Variants in PCDH7 observed in about 807,000 individuals in gnomAD.
PCDH7 encodes the protein protocadherin-7.
Under a neutral mutation model 58.9 loss-of-function variants are expected in PCDH7, and 17 were observed. The observed-to-expected ratio is 0.29, with a 90% CI of 0.20 to 0.43. The LOEUF (loss-of-function observed/expected upper bound fraction) is 0.43. Ranked by LOEUF, PCDH7 falls within the 20% of genes least tolerant of loss-of-function variation. The probability of loss-of-function intolerance (pLI) is 1.00; values close to 1 mark genes in which losing one functional copy is unlikely to be tolerated. For missense variants in PCDH7, 1,274 were observed against 1,441.0 expected, an observed-to-expected ratio of 0.88 and a Z score of 1.88; for synonymous variants, 664 against 616.4, an observed-to-expected ratio of 1.08 and a Z score of -1.14.
At chr4:31,016,533 C>T (rs1476773735) in intron 3 of PCDH7, among the ~76,000 whole-genome samples, 1 of 151,674 alleles carries the variant, frequency 6.6e-6, no homozygotes, top group African/African-American at 2.4e-5. Flanking sequence ...ACAAAGGCTA[C>T]AGTGGGATTG....
intron 3 of PCDH7, among the ~76,000 whole-genome samples, chr4:31,130,654 C>G (rs1277469599): frequency 6.6e-6 from 1 of 152,196 alleles, no homozygotes; most frequent in Non-Finnish European, 1.5e-5. Context: ...AAAATCTCAG[C>G]AAAGCTGTAT....
chr4:31,110,161 T>G (rs1438799583), intron 3 of PCDH7, among the ~76,000 whole-genome samples: 1 of 152,226 alleles, frequency 6.6e-6, no homozygotes, highest in Non-Finnish European at 1.5e-5. Context: ...TAGCCCAGTT[T>G]TCCGCTGAGG....
intron 3 of PCDH7, among the ~76,000 whole-genome samples, chr4:31,060,127 G>A (rs1424475913): frequency 6.6e-6 from 1 of 151,698 alleles, no homozygotes; most frequent in Non-Finnish European, 1.5e-5. Context: ...ATCCCATAAA[G>A]TATAAATCAG....
intron 3 of PCDH7, among the ~76,000 whole-genome samples, chr4:31,017,088 C>T (rs1753678039): frequency 6.6e-6 from 1 of 152,080 alleles, no homozygotes; most frequent in Non-Finnish European, 1.5e-5. Context: ...GAAGCGTTAG[C>T]AATGTTGCCA....
intron 3 of PCDH7, among the ~76,000 whole-genome samples, chr4:31,128,276 G>T (rs368847367): frequency 6.6e-6 from 1 of 151,922 alleles, no homozygotes; most frequent in Non-Finnish European, 1.5e-5. Flanking sequence ...GGGTCATGGC[G>T]CTCAGTTGAA....
chr4:30,874,362 G>T (rs1026720180), intron 1 of PCDH7, among the ~76,000 whole-genome samples: 3 of 152,002 alleles, frequency 2.0e-5, no homozygotes, highest in African/African-American at 7.2e-5. Context: ...ATACTATGCA[G>T]CCATAAAAAA....
At chr4:30,961,480 A>C (rs1748429629) in intron 3 of PCDH7, among the ~76,000 whole-genome samples, 2 of 151,986 alleles carry the variant, frequency 1.3e-5, no homozygotes, top group African/African-American at 4.8e-5. Flanking sequence ...TGAACCTGGG[A>C]GGTGGAGGTT....
At chr4:30,830,795 T>A (rs1729672040) in intron 1 of PCDH7, among the ~76,000 whole-genome samples, 1 of 152,106 alleles carries the variant, frequency 6.6e-6, no homozygotes. Context: ...TTGTATTTGA[T>A]CTCATTATTC....
intron 3 of PCDH7, among the ~76,000 whole-genome samples, chr4:30,979,345 A>G (rs962830485): frequency 5.9e-5 from 9 of 151,748 alleles, no homozygotes; most frequent in Non-Finnish European, 1.2e-4. Flanking sequence ...AAAAAGAAAA[A>G]AAAGAAAAAA....
chr4:31,140,407 A>AT (rs1178496211), intron 3 of PCDH7, among the ~76,000 whole-genome samples: 2 of 151,982 alleles, frequency 1.3e-5, no homozygotes, highest in Admixed American at 6.6e-5. Flanking sequence ...ATTCATAAAG[A>AT]TTTTTTTATA....
intron 2 of PCDH7, among the ~76,000 whole-genome samples, chr4:30,949,032 ATT>A (rs1288034132): frequency 6.6e-6 from 1 of 152,166 alleles, no homozygotes; most frequent in Non-Finnish European, 1.5e-5. Context: ...GCAAACACGT[ATT>A]CATGAATAGC....
At chr4:30,899,274 G>T (rs1560482052) in intron 1 of PCDH7, among the ~76,000 whole-genome samples, 1 of 152,154 alleles carries the variant, frequency 6.6e-6, no homozygotes, top group Non-Finnish European at 1.5e-5. Context: ...TTCACTTTAT[G>T]AATGAGAGGC....
intron 2 of PCDH7, among the ~76,000 whole-genome samples, chr4:30,932,442 T>C (rs1035648353): frequency 6.6e-6 from 1 of 152,226 alleles, no homozygotes; most frequent in African/African-American, 2.4e-5. Context: ...TATTATTTCT[T>C]TGTGTTCATT....
chr4:30,828,294 A>G (rs1226048614), intron 1 of PCDH7, among the ~76,000 whole-genome samples: 1 of 152,138 alleles, frequency 6.6e-6, no homozygotes, highest in Non-Finnish European at 1.5e-5. Flanking sequence ...TGCATAAGCT[A>G]TAAAAACAAG....
intron 3 of PCDH7, among the ~76,000 whole-genome samples, chr4:31,039,911 ACT>A (rs1270017559): frequency 6.6e-6 from 1 of 152,098 alleles, no homozygotes; most frequent in East Asian, 1.9e-4. Context: ...AGACATTCAA[ACT>A]AAGATTGTTC....
rs1560608334 is a variant in PCDH7 at position 31,056,423 on chromosome 4, GGAAAGAAAAA to G, written c.*8-86042_*8-86033del. Among the ~76,000 whole-genome samples the G allele has an allele frequency of 6.7e-5, 7 of 103,708 alleles. No individual in the cohort carries two copies. The East Asian group carries it at 1.2e-3, about 18-fold the overall frequency. The allele number at this position is 103,708 out of a possible 152,430, so 68.0% of individuals were successfully genotyped here. ...AAGGAAGAAAGAAAGAAGGAAAGAA[GGAAAGAAAAA>G]GAAAGAAGGAAAGAAAGAAAGAAAG... On this transcript the variant is annotated intron_variant, in intron 3 of 3. Transcript: ENST00000509759.
At position 31,096,925 on chromosome 4, in the gene PCDH7, GTGT is replaced by G. The variant is rs1046220263; in HGVS notation, c.*8-45544_*8-45542del. Among the ~76,000 whole-genome samples the G allele has an allele frequency of 3.9e-4, 37 of 95,490 alleles. 1 individual carries two copies. The East Asian group carries it at 0.011, about 29-fold the overall frequency. 62.6% of individuals were successfully genotyped at this position (95,490 alleles called of 152,430 possible). ...AAATTCCTTGTTTGTGTGTGTGTGT[GTGT>G]TGTGAATAAGATTTTCTGTCAGTGT... is the stretch of plus-strand genomic sequence containing the variant. On this transcript the variant is annotated intron_variant, in intron 3 of 3. Transcript: ENST00000509759.
chr4:31,120,237 C>T (rs1411922944), intron 3 of PCDH7, among the ~76,000 whole-genome samples: 1 of 151,964 alleles, frequency 6.6e-6, no homozygotes, highest in African/African-American at 2.4e-5. Flanking sequence ...CCATTTCCCT[C>T]TTCTTACTTC....
chr4:30,787,652 T>C (rs1723590561), intron 1 of PCDH7, among the ~76,000 whole-genome samples: 1 of 152,068 alleles, frequency 6.6e-6, no homozygotes, highest in Admixed American at 6.6e-5. Flanking sequence ...GAGGGCCTTT[T>C]TAAATTTATT....
Sources: allele counts gnomAD v4.1 joint callset (sites outside exome capture counted in the v4.1 genomes callset), GRCh38; gene constraint gnomAD v4.1.1; transcripts MANE v1.5; gene names NCBI Gene and HGNC (gene_info 2026-07-23, HGNC 2026-07-21).